Variants in TIAM2 observed in about 807,000 individuals in gnomAD.
TIAM2 encodes TIAM Rac1 associated GEF 2.
Under a neutral mutation model 152.9 loss-of-function variants are expected in TIAM2, and 80 were observed. The observed-to-expected ratio is 0.52, with a 90% CI of 0.44 to 0.63. TIAM2 has a LOEUF of 0.63. Among genes scored for constraint, TIAM2 ranks in the 30% least tolerant of loss-of-function variants. The probability of loss-of-function intolerance (pLI) is 0.00; values close to 1 mark genes in which losing one functional copy is unlikely to be tolerated. For synonymous variants in TIAM2, 804 were observed against 838.0 expected (o/e 0.96, Z 0.70); for missense variants, 1,965 against 2,120.1 (o/e 0.93, Z 1.44).
intron 4 of TIAM2, 97 bp downstream of exon 4, chr6:155,130,514 G>A (rs1427996729): frequency 5.1e-6 from 6 of 1,166,304 alleles, no homozygotes; most frequent in African/African-American, 1.6e-5. Flanking sequence ...TTGTCGGGGT[G>A]CTTAAGTGAT....
chr6:155,215,684 AT>A (rs910755788), intron 15 of TIAM2, among the ~76,000 whole-genome samples: 1 of 146,684 alleles, frequency 6.8e-6, no homozygotes, highest in Non-Finnish European at 1.5e-5. Context: ...TAAGGATCAC[AT>A]TTTTTTTTCT....
rs534572554 is a variant in TIAM2 at position 155,091,172 on chromosome 6, C to T, written c.-118+793C>T. Among the ~76,000 whole-genome samples the T allele has an allele frequency of 5.3e-4, 80 of 152,284 alleles. 3 individuals are homozygous for T. The highest frequency in any genetic ancestry group is 1.7e-3 in the African/African-American group (70 of 41,572). On this transcript the variant is annotated intron_variant, in intron 2 of 26. Transcript: ENST00000682666. ...AGCTCAAAGTACTCCCTCTGAAGGA[C>T]GCTGACCACCCAATCTAAAGGACGC...
chr6:155,179,219 G>T (rs1780831903), intron 11 of TIAM2, 76 bp downstream of exon 11: 3 of 1,495,046 alleles, frequency 2.0e-6, no homozygotes, highest in African/African-American at 2.8e-5. Flanking sequence ...TGTCATTTTT[G>T]GGGAAAATTC....
chr6:155,245,887 G>A (rs1182879387), intron 19 of TIAM2, among the ~76,000 whole-genome samples, 156 bp downstream of exon 19: 1 of 151,744 alleles, frequency 6.6e-6, no homozygotes, highest in African/African-American at 2.4e-5. Flanking sequence ...AAAGGGAAAG[G>A]TTTCTGTTTC....
At chr6:155,254,290 A>ACTG (rs1783863352) in intron 25 of TIAM2, 129 bp from the exon 26 acceptor site, 6 of 1,257,112 alleles carry the variant, frequency 4.8e-6, no homozygotes, top group Non-Finnish European at 6.7e-6. Flanking sequence ...GCCACATGGC[A>ACTG]CTGCTGCTGG....
Position 155,256,784 on chromosome 6 carries a change from T to A in TIAM2, c.4769T>A (p.Ile1590Asn), listed in dbSNP as rs138634139. 2.5e-3 allele frequency: 3,965 copies of A among 1,614,158 alleles called. 5 individuals are homozygous for A. Among genetic ancestry groups the A allele is most frequent in the Non-Finnish European group, 3.1e-3 (3,681 of 1,180,034 alleles). Reference protein sequence around the residue: ...KQGSPTKDIEIQFQRLRISED... With the variant: ...KQGSPTKDIENQFQRLRISED... ...GGCAGCCCTACTAAAGACATCGAAA[T>A]TCAGTTCCAGAGACTGAGGATTTCC... is the stretch of plus-strand genomic sequence containing the variant. Residue 1590 changes from isoleucine to asparagine, a missense_variant, in exon 27 of 27, where the codon ATT becomes AAT. Ile to Asn is a moderately radical substitution (Grantham distance 149). Around this residue, in one of 3 missense-constraint regions of TIAM2, gnomAD observed 935 missense variants for 980.0 expected, o/e 0.95. Coordinates refer to ENST00000682666, the MANE Select transcript of TIAM2 (RefSeq NM_012454.4).
At chr6:155,102,366 G>A (rs951707033) in intron 2 of TIAM2, among the ~76,000 whole-genome samples, 1 of 152,152 alleles carries the variant, frequency 6.6e-6, no homozygotes. Flanking sequence ...TTTCTTATTT[G>A]TGATAGGCAT....
At chr6:155,212,734 A>T (rs1781753332) in intron 15 of TIAM2, among the ~76,000 whole-genome samples, 1 of 152,156 alleles carries the variant, frequency 6.6e-6, no homozygotes, top group Admixed American at 6.5e-5. Context: ...AACTTGCACT[A>T]CTGGCCTGCA....
chr6:155,217,024 C>T, intron 15 of TIAM2: 3 of 1,287,790 alleles, frequency 2.3e-6, no homozygotes, highest in Admixed American at 2.3e-5. Flanking sequence ...CAACAGCCGA[C>T]TTAGATGTGA....
At chr6:155,139,462 C>T (rs1347592349) in intron 5 of TIAM2, among the ~76,000 whole-genome samples, 1 of 152,190 alleles carries the variant, frequency 6.6e-6, no homozygotes, top group Non-Finnish European at 1.5e-5. Context: ...AGGTAAAGAA[C>T]GTCCCCAGTT....
At position 155,100,657 on chromosome 6, in the gene TIAM2, C is replaced by G. The variant is rs577947078; in HGVS notation, c.-118+10278C>G. On this transcript the variant is annotated intron_variant, in intron 2 of 26. Transcript: ENST00000682666. The stretch of plus-strand genomic sequence containing the variant: ...AAAGTCCTGGACTTTCAACAGTAAA[C>G]AATTTAAACAAAATCCCTGCCTTCC... Among the ~76,000 whole-genome samples, 5 of 152,292 alleles carry G rather than the reference C, an allele frequency of 3.3e-5. No individual in the cohort carries two copies. In the East Asian group the frequency reaches 9.7e-4, roughly 29 times the overall value.
intron 1 of TIAM2, among the ~76,000 whole-genome samples, chr6:155,060,860 G>A (rs527547651): frequency 5.3e-4 from 80 of 152,272 alleles, no homozygotes; most frequent in African/African-American, 1.8e-3. Flanking sequence ...GTGCCATTGC[G>A]CTCCAGCATG....
intron 26 of TIAM2, chr6:155,255,061 T>C (rs1783913229): frequency 6.4e-6 from 1 of 156,706 alleles, no homozygotes; most frequent in Non-Finnish European, 1.4e-5. Context: ...GTTTTTTGCT[T>C]CTAGTGCAGC....
At chr6:155,138,070 A>G (rs910225275) in intron 5 of TIAM2, among the ~76,000 whole-genome samples, 3 of 152,104 alleles carry the variant, frequency 2.0e-5, no homozygotes, top group African/African-American at 7.2e-5. Context: ...ATAACTCCTG[A>G]CCTCAAGCAG....
At chr6:155,095,962 T>A (rs1778411424) in intron 2 of TIAM2, among the ~76,000 whole-genome samples, 1 of 152,078 alleles carries the variant, frequency 6.6e-6, no homozygotes, top group African/African-American at 2.4e-5. Flanking sequence ...TCCTGAAGGA[T>A]TTTTTTTCTA....
intron 2 of TIAM2, among the ~76,000 whole-genome samples, chr6:155,108,120 A>G (rs971632829): frequency 6.6e-6 from 1 of 152,100 alleles, no homozygotes; most frequent in South Asian, 2.1e-4. Context: ...ACACTTAGGG[A>G]TTCTAAAATT....
chr6:155,137,849 T>G (rs969595953), intron 5 of TIAM2, among the ~76,000 whole-genome samples: 24 of 152,204 alleles, frequency 1.6e-4, no homozygotes, highest in African/African-American at 5.8e-4. Flanking sequence ...TGTTTTTATT[T>G]TTTTTGAGAC....
intron 1 of TIAM2, among the ~76,000 whole-genome samples, chr6:155,070,379 G>C (rs1035340503): frequency 1.7e-4 from 26 of 150,896 alleles, no homozygotes; most frequent in East Asian, 1.4e-3. Flanking sequence ...GGGATTACTG[G>C]CTAATTTTTG....
intron 2 of TIAM2, among the ~76,000 whole-genome samples, chr6:155,126,074 G>A (rs374262386): frequency 1.3e-5 from 2 of 152,310 alleles, no homozygotes; most frequent in East Asian, 3.9e-4. Context: ...AGCAACCCAA[G>A]TGTCTCTCCA....
Sources: allele counts gnomAD v4.1 joint callset (sites outside exome capture counted in the v4.1 genomes callset), GRCh38; gene constraint gnomAD v4.1.1; regional missense constraint gnomAD v4.1.1; transcripts MANE v1.5; gene names NCBI Gene and HGNC (gene_info 2026-07-23, HGNC 2026-07-21).